The following ZNF385D variants were observed in gnomAD, a reference collection of about 807,000 sequenced individuals.
The protein encoded by ZNF385D is zinc finger protein 659.
A neutral mutation model predicts 35.8 loss-of-function variants in ZNF385D; 15 were observed. The ratio of observed to expected loss-of-function variants is 0.42; its 90% CI spans 0.28 to 0.64. ZNF385D has a LOEUF of 0.64. Among genes scored for constraint, ZNF385D ranks in the 30% least tolerant of loss-of-function variants. The probability of loss-of-function intolerance (pLI) is 0.23; values close to 1 mark genes in which losing one functional copy is unlikely to be tolerated. For missense variants in ZNF385D, 474 were observed against 494.6 expected, an observed-to-expected ratio of 0.96 and a Z score of 0.39; for synonymous variants, 212 against 186.8, an observed-to-expected ratio of 1.13 and a Z score of -1.10.
chr3:22,226,643 T>G (rs1331915626), intron 2 of ZNF385D, among the ~76,000 whole-genome samples: 1 of 152,214 alleles, frequency 6.6e-6, no homozygotes, highest in Non-Finnish European at 1.5e-5. Flanking sequence ...TGCTATGATA[T>G]TCTTTCCCTA....
chr3:21,708,940 A>G (rs953709155), intron 1 of ZNF385D, among the ~76,000 whole-genome samples: 2 of 152,120 alleles, frequency 1.3e-5, no homozygotes, highest in Non-Finnish European at 2.9e-5. Context: ...CTTAACTATC[A>G]TAAGGCAGTT....
At chr3:22,192,474 A>G (rs960334483) in intron 2 of ZNF385D, among the ~76,000 whole-genome samples, 1 of 151,936 alleles carries the variant, frequency 6.6e-6, no homozygotes, top group Admixed American at 6.6e-5. Context: ...ATGGTGTGTG[A>G]CTCCTCAGGC....
chr3:22,014,018 A>G (rs1696730284), intron 3 of ZNF385D, among the ~76,000 whole-genome samples: 1 of 152,214 alleles, frequency 6.6e-6, no homozygotes, highest in African/African-American at 2.4e-5. Context: ...TTGCAAAAAC[A>G]AGAAGCAACC....
At chr3:21,656,680 T>G (rs1219450143) in intron 2 of ZNF385D, among the ~76,000 whole-genome samples, 2 of 151,926 alleles carry the variant, frequency 1.3e-5, no homozygotes, top group Non-Finnish European at 2.9e-5. Flanking sequence ...ATTCAATATT[T>G]AGGATCTCCA....
intron 2 of ZNF385D, among the ~76,000 whole-genome samples, chr3:22,204,575 C>T (rs556425850): frequency 5.3e-5 from 8 of 151,874 alleles, no homozygotes; most frequent in Non-Finnish European, 7.4e-5. Context: ...ACAGAGAATT[C>T]GAAACAGCTG....
chr3:22,176,326 A>C (rs1003898544), intron 2 of ZNF385D, among the ~76,000 whole-genome samples: 2 of 152,192 alleles, frequency 1.3e-5, no homozygotes, highest in African/African-American at 4.8e-5. Context: ...ACATGTTATC[A>C]TAAGTTCTTT....
intron 3 of ZNF385D, among the ~76,000 whole-genome samples, chr3:21,917,167 C>T (rs776942389): frequency 5.3e-5 from 8 of 152,168 alleles, no homozygotes; most frequent in Non-Finnish European, 7.3e-5. Flanking sequence ...TGCGGTGGCT[C>T]ATGGCTGTAA....
chr3:21,528,201 T>C (rs1427004111), intron 3 of ZNF385D, among the ~76,000 whole-genome samples: 3 of 152,110 alleles, frequency 2.0e-5, no homozygotes, highest in Non-Finnish European at 4.4e-5. Flanking sequence ...GAGAATGAAA[T>C]AGAAGTATTT....
intron 3 of ZNF385D, among the ~76,000 whole-genome samples, chr3:21,768,484 A>G (rs781449422): frequency 5.3e-5 from 8 of 151,908 alleles, no homozygotes; most frequent in Non-Finnish European, 1.2e-4. Flanking sequence ...AAGGCTTCAA[A>G]CTTCCAGGAG....
chr3:22,031,265 G>A (rs1697982521), intron 3 of ZNF385D, among the ~76,000 whole-genome samples: 2 of 152,202 alleles, frequency 1.3e-5, no homozygotes, highest in South Asian at 4.1e-4. Context: ...GGGATTCTGT[G>A]GGGGCTCCAA....
chr3:22,340,249 C>T (rs1018977473), intron 2 of ZNF385D, among the ~76,000 whole-genome samples: 6 of 152,138 alleles, frequency 3.9e-5, no homozygotes, highest in Non-Finnish European at 8.8e-5. Flanking sequence ...AATGTTTGAG[C>T]TATGTTAGAC....
intron 1 of ZNF385D, among the ~76,000 whole-genome samples, chr3:21,721,377 G>A (rs13324110): frequency 0.047 from 7,107 of 151,814 alleles, 225 homozygotes; most frequent in South Asian, 0.1. Context: ...TCTGTCTCTC[G>A]GTGGTCTAAA....
chr3:22,154,291 AT>A (rs1378847317), intron 3 of ZNF385D, among the ~76,000 whole-genome samples: 2 of 152,100 alleles, frequency 1.3e-5, no homozygotes, highest in African/African-American at 4.8e-5. Context: ...TCCTGTATTG[AT>A]TCATGTTGAT....
intron 3 of ZNF385D, among the ~76,000 whole-genome samples, chr3:21,848,838 C>T: frequency 6.6e-6 from 1 of 152,008 alleles, no homozygotes; most frequent in East Asian, 1.9e-4. Flanking sequence ...TTTATCTCGT[C>T]TTACATAGAC....
At chr3:21,708,439 C>T (rs955917170) in intron 1 of ZNF385D, among the ~76,000 whole-genome samples, 1 of 152,186 alleles carries the variant, frequency 6.6e-6, no homozygotes, top group Non-Finnish European at 1.5e-5. Flanking sequence ...TTACTCTTGC[C>T]TAATGCCACT....
At position 21,775,037 on chromosome 3, in the gene ZNF385D, A is replaced by G. The variant is rs542119956; in HGVS notation, c.326-110009T>C. ...ACCAACACATCAATTTCATGGTATA[A>G]GTACAAATGACATAACCTGAGAAGA... On this transcript the variant is annotated intron_variant, in intron 3 of 5. Transcript: ENST00000494108. Among the ~76,000 whole-genome samples, 16 of 151,996 alleles carry G rather than the reference A, an allele frequency of 1.1e-4. 1 individual carries two copies. In the South Asian group the frequency reaches 3.3e-3, roughly 32 times the overall value.
intron 3 of ZNF385D, among the ~76,000 whole-genome samples, chr3:21,524,077 T>G (rs1708074252): frequency 6.6e-6 from 1 of 152,242 alleles, no homozygotes; most frequent in African/African-American, 2.4e-5. Context: ...AATGCACGAT[T>G]GGAGATTTCA....
In ZNF385D at chr3:22,170,319, A is replaced by C. The variant is rs1224186852; in HGVS notation, c.107-1284T>G. 2.6e-5 allele frequency among the ~76,000 whole-genome samples: 4 copies of C among 152,244 alleles called. No homozygotes were observed. In the East Asian group the frequency reaches 7.7e-4, roughly 29 times the overall value. ...ATGATACAAAAGCCATGGACTTTGG[A>C]ATCAGGTAAATGAGATAACAAATGC... On this transcript the variant is annotated intron_variant, in intron 2 of 5. Transcript: ENST00000494108.
At chr3:21,735,826 T>C (rs984641753) in intron 1 of ZNF385D, among the ~76,000 whole-genome samples, 1 of 152,210 alleles carries the variant, frequency 6.6e-6, no homozygotes, top group African/African-American at 2.4e-5. Flanking sequence ...GTCTTTCTTG[T>C]AGGATTGGGC....
Sources: allele counts gnomAD v4.1 joint callset (sites outside exome capture counted in the v4.1 genomes callset), GRCh38; gene constraint gnomAD v4.1.1; transcripts MANE v1.5; gene names NCBI Gene and HGNC (gene_info 2026-07-23, HGNC 2026-07-21).